MAP1S: variants seen among roughly 807,000 people sequenced by gnomAD.
MAP1S encodes the protein microtubule-associated protein 1S.
MAP1S carries 27 observed loss-of-function variants against 60.9 expected under a neutral mutation model. The observed-to-expected ratio is 0.44, with a 90% CI of 0.33 to 0.61. MAP1S has a LOEUF of 0.61. Among genes scored for constraint, MAP1S ranks in the 20% least tolerant of loss-of-function variants. MAP1S has a pLI of 0.03. For synonymous variants in MAP1S, 826 were observed against 694.2 expected (o/e 1.19, Z -2.98); for missense variants, 1,608 against 1,486.6 (o/e 1.08, Z -1.34).
Position 17,734,298 on chromosome 19 carries a change from CGGT to C in MAP1S, c.3053_3055del (p.Val1018del). The C allele has an allele frequency of 1.2e-6, 2 of 1,613,606 alleles. No homozygotes were observed. Among genetic ancestry groups the C allele is most frequent in the East Asian group, 2.2e-5 (1 of 44,842 alleles). On this transcript the variant is annotated inframe_deletion, in exon 7 of 7. Transcript: ENST00000324096. ...GTGACCCTGATCCCCACTTTCGACT[CGGT>C]GGCCATGCATACGTGGTACGCAGAG... is the stretch of plus-strand genomic sequence containing the variant.
In MAP1S at chr19:17,723,553, AAAAAG is replaced by A. The variant is rs1211752790; in HGVS notation, c.221-563_221-559del. Among the ~76,000 whole-genome samples the A allele has an allele frequency of 5.9e-5, 9 of 151,480 alleles. No individual in the cohort carries two copies. The South Asian group carries it at 6.2e-4, about 11-fold the overall frequency. On this transcript the variant is annotated intron_variant, in intron 2 of 6. Transcript: ENST00000324096. ...ACAAGAGCAAAACTCCGTCTCAAAA[AAAAAG>A]AAAAGAAAAAGGCCGGGCGCGGTGG... is the stretch of plus-strand genomic sequence containing the variant.
At chr19:17,723,588 C>T (rs10414279) in intron 2 of MAP1S, among the ~76,000 whole-genome samples, 42,440 of 143,992 alleles carry the variant, frequency 0.29, 7,114 homozygotes, top group African/African-American at 0.5. Flanking sequence ...CGGTGGCTCA[C>T]GCCTGTAATC....
chr19:17,726,040 A>G lies in MAP1S; in HGVS notation c.656A>G (p.Glu219Gly). ...CTGGAGTACGTGGCTGAGTCTCTGG[A>G]GCCACCGTCCCCCTTCGAGCTGCTG... The part of the protein sequence containing the change: ...EFLEYVAESL[E>G]PPSPFELLEP... The change falls in exon 5 of 7, where the codon GAG becomes GGG. Residue 219 changes from glutamate to glycine, a missense_variant. By Grantham distance (98) the Glu-to-Gly change is moderately conservative (BLOSUM62 -2). This residue lies in a region of MAP1S where 320 missense variants were observed against 393.1 expected (regional missense o/e 0.81). Coordinates refer to ENST00000324096, the MANE Select transcript of MAP1S (RefSeq NM_018174.6). 1 of 1,613,176 alleles carries G rather than the reference A, an allele frequency of 6.2e-7. No individual in the cohort carries two copies. Among genetic ancestry groups the G allele is most frequent in the Non-Finnish European group, 8.5e-7 (1 of 1,179,734 alleles).
At position 17,734,486 on chromosome 19, in the gene MAP1S, C is replaced by T. The variant is rs919808253; in HGVS notation, c.*58C>T. On this transcript the variant is annotated 3_prime_UTR_variant, in exon 7 of 7. Transcript: ENST00000324096. ...GCCCGCCTGTCCCTAGATTCAGCCA[C>T]ATCAGAAATAAACTGTGACTACACT... 1.9e-6 allele frequency: 3 copies of T among 1,559,314 alleles called. No homozygotes were observed. The highest frequency in any genetic ancestry group is 1.4e-5 in the African/African-American group (1 of 73,852).
In MAP1S at chr19:17,734,394, A is replaced by T. The variant is rs963163862; in HGVS notation, c.3146A>T (p.Asp1049Val). The change falls in exon 7 of 7, where the codon GAT becomes GTT. Residue 1049 changes from aspartate to valine, a missense_variant. By Grantham distance (152) the Asp-to-Val change is radical (BLOSUM62 -3). Coordinates refer to ENST00000324096, the MANE Select transcript of MAP1S (RefSeq NM_018174.6). ...LGSNSMVSMQDDAFPACKVEF is the reference protein window; with the variant it reads ...LGSNSMVSMQVDAFPACKVEF ...AGCAACAGCATGGTGTCCATGCAGG[A>T]TGACGCCTTCCCGGCCTGCAAGGTG... The T allele has an allele frequency of 6.2e-7, 1 of 1,613,270 alleles. No individual in the cohort carries two copies. The highest frequency in any genetic ancestry group is 8.5e-7 in the Non-Finnish European group (1 of 1,179,906).
Position 17,727,986 on chromosome 19 carries a change from CG to C in MAP1S, c.2603del (p.Arg868ProfsTer142). 6.2e-7 allele frequency: 1 copy of C among 1,610,314 alleles called. No homozygotes were observed. The highest frequency in any genetic ancestry group is 8.5e-7 in the Non-Finnish European group (1 of 1,178,524). ...CAGCCGCACCCGGAAGCCCCTGGCC[CG>C]CCCCAACTCACGCGCTGCCGCCCCC... ...NVSRTRKPLARPNSRAAAPKA... is the reference protein window; with the variant it reads ...NVSRTRKPLAXPNSRAAAPKA... On this transcript the variant is annotated frameshift_variant, in exon 5 of 7. Coordinates refer to ENST00000324096, the MANE Select transcript of MAP1S (RefSeq NM_018174.6). LOFTEE classifies it high-confidence loss of function. This position sits in a 1 kb window ranked among gnomAD's most constrained non-coding sequence, Gnocchi z 4.1.
Position 17,726,292 on chromosome 19 carries a change from G to A in MAP1S, c.908G>A (p.Ser303Asn), listed in dbSNP as rs1294264262. ...GCCGACAGCCTCCCCGGCCTCAACA[G>A]CCTGCTGCGGCGCAAACTGGCGGAG... ...PGADSLPGLN[S>N]LLRRKLAERS... Residue 303 changes from serine (S) to asparagine (N), a missense_variant, in exon 5 of 7, where the codon AGC (serine) becomes AAC (asparagine). Ser to Asn is a conservative substitution (Grantham distance 46). Transcript: ENST00000324096. 6.2e-7 allele frequency: 1 copy of A among 1,607,182 alleles called. No individual in the cohort carries two copies. The highest frequency in any genetic ancestry group is 1.1e-5 in the South Asian group (1 of 90,242).
At chr19:17,728,475 C>T (rs1452478488) in intron 5 of MAP1S, among the ~76,000 whole-genome samples, 6 of 151,922 alleles carry the variant, frequency 3.9e-5, no homozygotes, top group African/African-American at 1.5e-4. Flanking sequence ...TTTCAAACTC[C>T]TGGCCTCAAG....
Position 17,727,609 on chromosome 19 carries a change from C to T in MAP1S, c.2225C>T (p.Pro742Leu), listed in dbSNP as rs2080450075. The T allele has an allele frequency of 6.2e-7, 1 of 1,607,472 alleles. No individual in the cohort carries two copies. ...GATGTGGACCTGTGCCTGGTGTCACCCTGTGAATTTGAGCATCGCAAGGCG... is the reference window on the plus strand; with the variant it reads ...GATGTGGACCTGTGCCTGGTGTCACTCTGTGAATTTGAGCATCGCAAGGCG... The part of the protein sequence containing the change: ...PHDVDLCLVS[P>L]CEFEHRKAVP... The change falls in exon 5 of 7, where the codon CCC (proline) becomes CTC (leucine). Residue 742 changes from proline (P) to leucine (L), a missense_variant. Transcript: ENST00000324096. The surrounding 1 kb of genome is among the most constrained non-coding windows in gnomAD (Gnocchi z 4.1).
intron 2 of MAP1S, among the ~76,000 whole-genome samples, chr19:17,721,742 T>C (rs1484806392): frequency 6.6e-6 from 1 of 152,098 alleles, no homozygotes; most frequent in African/African-American, 2.4e-5. Context: ...CCCTGGAAGA[T>C]GGAGTGTGGG....
chr19:17,726,274 G>A lies in MAP1S; in HGVS notation c.890G>A (p.Ser297Asn), dbSNP rs756013227. 1.2e-6 allele frequency: 2 copies of A among 1,606,274 alleles called. No homozygotes were observed. Among genetic ancestry groups the A allele is most frequent in the Admixed American group, 3.4e-5 (2 of 58,876 alleles). ...CTGGTGACCCACCCTGGCGCCGACA[G>A]CCTCCCCGGCCTCAACAGCCTGCTG... ...AVLVTHPGAD[S>N]LPGLNSLLRR... is the part of the protein sequence containing the mutation. The change falls in exon 5 of 7, where the codon AGC (serine) becomes AAC (asparagine). Residue 297 changes from serine (S) to asparagine (N), a missense_variant. By Grantham distance (46) the Ser-to-Asn change is conservative. Coordinates refer to ENST00000324096, the MANE Select transcript of MAP1S (RefSeq NM_018174.6).
intron 3 of MAP1S, 44 bp downstream of exon 3, chr19:17,724,252 C>T (rs1254884089): frequency 3.3e-6 from 5 of 1,512,854 alleles, no homozygotes; most frequent in Admixed American, 1.7e-5. Flanking sequence ...CTGCTGGGAC[C>T]CGTGCCTTCT....
Position 17,727,149 on chromosome 19 carries a change from G to A in MAP1S, c.1765G>A (p.Gly589Arg). The A allele has an allele frequency of 1.9e-6, 3 of 1,589,526 alleles. No individual in the cohort carries two copies. The highest frequency in any genetic ancestry group is 1.7e-5 in the Admixed American group (1 of 58,148). Residue 589 changes from glycine (G) to arginine (R), a missense_variant, in exon 5 of 7, where the codon GGA becomes AGA. Gly to Arg is a moderately radical substitution (Grantham distance 125, BLOSUM62 -2). Around this residue, in one of 4 missense-constraint regions of MAP1S, gnomAD observed 1,167 missense variants for 961.4 expected, o/e 1.21. Coordinates refer to ENST00000324096, the MANE Select transcript of MAP1S (RefSeq NM_018174.6). This position sits in a 1 kb window ranked among gnomAD's most constrained non-coding sequence, Gnocchi z 4.1. ...CCGCAGCCCGCCCAGCCTCCGATGTGGAGAAGCCAGCCCCCCCAGTGCAGC... is the reference window on the plus strand; with the variant it reads ...CCGCAGCCCGCCCAGCCTCCGATGTAGAGAAGCCAGCCCCCCCAGTGCAGC... ...GPRSPPSLRCGEASPPSAACG... is the reference protein window; with the variant it reads ...GPRSPPSLRCREASPPSAACG...
chr19:17,726,713 C>G lies in MAP1S; in HGVS notation c.1329C>G (p.Asp443Glu). 1 of 1,591,070 alleles carries G rather than the reference C, an allele frequency of 6.3e-7. No homozygotes were observed. Among genetic ancestry groups the G allele is most frequent in the Non-Finnish European group, 8.5e-7 (1 of 1,172,444 alleles). ...GCACCCCGCCCGCCTGCCTCCTGGA[C>G]GGCCTGGTCCGCCTGCAGCACTTGA... ...PGCTPPACLL[D>E]GLVRLQHLRF... is the part of the protein sequence containing the mutation. Residue 443 changes from aspartate (D) to glutamate (E), a missense_variant, in exon 5 of 7, where the codon GAC becomes GAG. Physicochemically the swap from Asp to Glu is conservative, Grantham distance 45 (BLOSUM62 2). Around this residue, in one of 4 missense-constraint regions of MAP1S, gnomAD observed 1,167 missense variants for 961.4 expected, o/e 1.21. Transcript: ENST00000324096.
chr19:17,721,291 C>T (rs1268166114), intron 2 of MAP1S: 3 of 492,758 alleles, frequency 6.1e-6, no homozygotes, highest in Non-Finnish European at 1.1e-5. Flanking sequence ...GCAGGGAGAT[C>T]TCTGAGGAGG....
Position 17,728,139 on chromosome 19 carries a change from T to G in MAP1S, c.2755T>G (p.Ser919Ala), listed in dbSNP as rs756126483. The G allele has an allele frequency of 2.5e-6, 4 of 1,606,948 alleles. No individual in the cohort carries two copies. The South Asian group carries it at 4.4e-5, about 18-fold the overall frequency. The change falls in exon 5 of 7, where the codon TCA becomes GCA. Residue 919 changes from serine (S) to alanine (A), a missense_variant. This residue lies in a region of MAP1S where 1,167 missense variants were observed against 961.4 expected (regional missense o/e 1.21). Coordinates refer to ENST00000324096, the MANE Select transcript of MAP1S (RefSeq NM_018174.6). ...CCGGGCACCCCTGTCCAGAAAGTCCTCAACCCCCAAGACTGCCACTCGAGG... is the reference window on the plus strand; with the variant it reads ...CCGGGCACCCCTGTCCAGAAAGTCCGCAACCCCCAAGACTGCCACTCGAGG... ...GGRAPLSRKS[S>A]TPKTATRGPS...
chr19:17,720,872 T>C (rs1324671902), intron 1 of MAP1S, 64 bp from the exon 2 acceptor site: 12 of 1,281,474 alleles, frequency 9.4e-6, no homozygotes, highest in African/African-American at 2.9e-5. Flanking sequence ...GTGCTAATTA[T>C]TGAAATATTC....
At position 17,725,965 on chromosome 19, in the gene MAP1S, G is replaced by A. The variant is rs747950013; in HGVS notation, c.581G>A (p.Arg194Gln). The change falls in exon 5 of 7, where the codon CGG (arginine) becomes CAG (glutamine). Residue 194 changes from arginine (R) to glutamine (Q), a missense_variant. By Grantham distance (43) the Arg-to-Gln change is conservative (BLOSUM62 1). This residue lies in a region of MAP1S where 320 missense variants were observed against 393.1 expected (regional missense o/e 0.81). Transcript: ENST00000324096. The surrounding 1 kb of genome is among the most constrained non-coding windows in gnomAD (Gnocchi z 4.2). The part of the protein sequence containing the change: ...GLQGALRLQL[R>Q]LNPPAQLPNS... ...CAGGGGGCGCTCCGGCTCCAGCTGCGGCTGAACCCCCCGGCGCAGCTGCCC... is the reference window on the plus strand; with the variant it reads ...CAGGGGGCGCTCCGGCTCCAGCTGCAGCTGAACCCCCCGGCGCAGCTGCCC... 4 of 1,612,728 alleles carry A rather than the reference G, an allele frequency of 2.5e-6. No homozygotes were observed. The highest frequency in any genetic ancestry group is 2.5e-6 in the Non-Finnish European group (3 of 1,179,524).
chr19:17,730,987 T>C (rs12982308), intron 5 of MAP1S, among the ~76,000 whole-genome samples: 31,532 of 150,174 alleles, frequency 0.21, 4,276 homozygotes, highest in Non-Finnish European at 0.29. Flanking sequence ...GCCTCCCGGG[T>C]TCAAGCGATT....
Sources: gnomAD v4.1 joint callset for allele counts (sites outside exome capture counted in the v4.1 genomes callset) on GRCh38, gnomAD v4.1.1 for gene constraint, gnomAD v4.1.1 regional missense constraint, Gnocchi (gnomAD v3.1) non-coding constraint, MANE v1.5 for transcripts, NCBI Gene and HGNC (gene_info 2026-07-23, HGNC 2026-07-21) for gene names.